Variants in CD81 observed in about 807,000 individuals in gnomAD.
CD81 encodes CD81 antigen.
In CD81, 10 loss-of-function variants were observed where a neutral mutation model predicts 30.1. The observed-to-expected ratio is 0.33, with a 90% confidence interval of 0.21 to 0.56. CD81 has a LOEUF of 0.56. Ranked by LOEUF, CD81 falls within the 20% of genes least tolerant of loss-of-function variation. The pLI, the probability that CD81 is intolerant of heterozygous loss-of-function variation, is 0.89. For missense variants in CD81, 263 were observed against 308.7 expected, an observed-to-expected ratio of 0.85 and a Z score of 1.11; for synonymous variants, 147 against 126.4, an observed-to-expected ratio of 1.16 and a Z score of -1.10.
intron 1 of CD81, chr11:2,386,739 G>C: frequency 1.5e-6 from 1 of 679,604 alleles, no homozygotes; most frequent in Admixed American, 2.0e-5. Flanking sequence ...AGTTGAGGTG[G>C]ACAGGCTGGC....
intron 3 of CD81, among the ~76,000 whole-genome samples, 180 bp downstream of exon 3, chr11:2,394,372 C>G (rs1051207344): frequency 2.6e-5 from 4 of 152,202 alleles, no homozygotes; most frequent in Admixed American, 2.6e-4. Context: ...TGGTCTCCAT[C>G]GTGGCCAGTT....
At position 2,390,536 on chromosome 11, in the gene CD81, C is replaced by T; in HGVS notation, c.181+10C>T. ...AACACCTTCTATGTAGGTGAGTGCACATGTGGCCGCAGACGCATTCAGGGA... is the reference window on the plus strand; with the variant it reads ...AACACCTTCTATGTAGGTGAGTGCATATGTGGCCGCAGACGCATTCAGGGA... On this transcript the variant is annotated intron_variant, in intron 2 of 7. Transcript: ENST00000263645. The T allele has an allele frequency of 6.3e-7, 1 of 1,581,954 alleles. No individual in the cohort carries two copies. Among genetic ancestry groups the T allele is most frequent in the Non-Finnish European group, 8.7e-7 (1 of 1,151,674 alleles).
intron 6 of CD81, 158 bp downstream of exon 6, chr11:2,396,128 G>GC: frequency 6.6e-6 from 3 of 453,846 alleles, no homozygotes; most frequent in Middle Eastern, 6.8e-4. Flanking sequence ...GTTGGGGTGG[G>GC]ACCGCATCTG....
At chr11:2,396,070 G>A (rs1164961638) in intron 6 of CD81, 100 bp downstream of exon 6, 5 of 557,566 alleles carry the variant, frequency 9.0e-6, no homozygotes, top group South Asian at 1.5e-5. Context: ...CACAGGGAGC[G>A]ACCACACTGG....
chr11:2,392,962 A>T (rs1849926789), intron 2 of CD81: 1 of 152,166 alleles, frequency 6.6e-6, no homozygotes, highest in Admixed American at 6.5e-5. Flanking sequence ...GGGGAGGGAG[A>T]CCTGGCTCCT....
At chr11:2,389,968 T>C in intron 1 of CD81, 1 of 330,726 alleles carries the variant, frequency 3.0e-6, no homozygotes, top group Non-Finnish European at 5.9e-6. Context: ...GATGCTCAGG[T>C]CCTGGTATCA....
chr11:2,383,089 C>T (rs79926741), intron 1 of CD81, among the ~76,000 whole-genome samples: 1,940 of 152,280 alleles, frequency 0.013, 40 homozygotes, highest in African/African-American at 0.044. Context: ...CCCCAGCTGG[C>T]GGGGCCAGAG....
rs1849625005 is a variant in CD81, at chr11:2,377,795, G to A, written c.66+180G>A. ...CGGGGCCACCGCGCCCCCCGACATT[G>A]GGGCTGAGGGCTGCGAGCCGAGTTT... On this transcript the variant is annotated intron_variant, in intron 1 of 7. Coordinates refer to ENST00000263645, the MANE Select transcript of CD81 (RefSeq NM_004356.4). The surrounding 1 kb of genome is among the most constrained non-coding windows in gnomAD (Gnocchi z 7.7). 3.4e-6 allele frequency: 1 copy of A among 293,110 alleles called. No individual in the cohort carries two copies. The highest frequency in any genetic ancestry group is 5.6e-5 in the Admixed American group (1 of 17,864). 18.2% of individuals were successfully genotyped at this position (293,110 alleles called of 1,614,324 possible).
intron 1 of CD81, among the ~76,000 whole-genome samples, chr11:2,386,802 G>A (rs1165534448): frequency 6.6e-6 from 1 of 152,176 alleles, no homozygotes; most frequent in Non-Finnish European, 1.5e-5. Context: ...CAGCTGTTCT[G>A]CCCTATTAAA....
chr11:2,388,149 C>T (rs1031316488), intron 1 of CD81, among the ~76,000 whole-genome samples: 15 of 152,206 alleles, frequency 9.9e-5, no homozygotes, highest in Non-Finnish European at 2.1e-4. Flanking sequence ...TGAGCTCAAG[C>T]GATCCTCCTG....
At chr11:2,384,566 CTG>C (rs1002324784) in intron 1 of CD81, 3 of 120,138 alleles carry the variant, frequency 2.5e-5, no homozygotes, top group African/African-American at 9.1e-5. Context: ...TGGGGCATCT[CTG>C]GGGCCCGGCC....
chr11:2,390,527 G>A lies in CD81; in HGVS notation c.181+1G>A. The A allele has an allele frequency of 6.2e-7, 1 of 1,605,194 alleles. No homozygotes were observed. Among genetic ancestry groups the A allele is most frequent in the Non-Finnish European group, 8.5e-7 (1 of 1,172,918 alleles). On this transcript the variant is annotated splice_donor_variant, in intron 2 of 7. Coordinates refer to ENST00000263645, the MANE Select transcript of CD81 (RefSeq NM_004356.4). LOFTEE classifies it high-confidence loss of function. Reference sequence around the variant, plus strand: ...CCCGCGCCCAACACCTTCTATGTAGGTGAGTGCACATGTGGCCGCAGACGC... The same window carrying A: ...CCCGCGCCCAACACCTTCTATGTAGATGAGTGCACATGTGGCCGCAGACGC...
intron 5 of CD81, 161 bp downstream of exon 5, chr11:2,395,681 A>AGTGGGCCAGG (rs1366980116): frequency 1.3e-6 from 1 of 756,018 alleles, no homozygotes; most frequent in Non-Finnish European, 2.3e-6. Flanking sequence ...GTGGGAACCT[A>AGTGGGCCAGG]GTGGGCCAGG....
intron 2 of CD81, 21 bp downstream of exon 2, chr11:2,390,547 A>G (rs1449171470): frequency 6.5e-7 from 1 of 1,544,756 alleles, no homozygotes; most frequent in African/African-American, 1.4e-5. Flanking sequence ...ATGTGGCCGC[A>G]GACGCATTCA....
intron 1 of CD81, 90 bp from the exon 2 acceptor site, chr11:2,390,322 A>T: frequency 1.0e-6 from 1 of 985,562 alleles, no homozygotes; most frequent in Non-Finnish European, 1.6e-6. Flanking sequence ...CCAGCAAGGC[A>T]GGAGGCTGCT....
In CD81 at chr11:2,377,542, G is replaced by T. The variant is rs745367425; in HGVS notation, c.-8G>T. 1 of 1,402,264 alleles carries T rather than the reference G, an allele frequency of 7.1e-7. No individual in the cohort carries two copies. Among genetic ancestry groups the T allele is most frequent in the Non-Finnish European group, 9.4e-7 (1 of 1,059,702 alleles). 86.9% of individuals were successfully genotyped at this position (1,402,264 alleles called of 1,614,324 possible). ...GCGCCCCGCAGGCCGCCCGCCGCCC[G>T]CGCCGCCATGGGAGTGGAGGGCTGC... On this transcript the variant is annotated 5_prime_UTR_variant, in exon 1 of 8. Transcript: ENST00000263645. This position sits in a 1 kb window ranked among gnomAD's most constrained non-coding sequence, Gnocchi z 7.7.
upstream of CD81, chr11:2,376,687 G>A (rs539583226): frequency 2.6e-5 from 4 of 152,380 alleles, no homozygotes; most frequent in Admixed American, 2.6e-4. Context: ...TGCCCTCTCA[G>A]GCCCCAGTGA....
chr11:2,394,085 T>C lies in CD81; in HGVS notation c.182-10T>C. On this transcript the variant is annotated splice_polypyrimidine_tract_variant and intron_variant, in intron 2 of 7. Coordinates refer to ENST00000263645, the MANE Select transcript of CD81 (RefSeq NM_004356.4). ...TGTAGGCACCCACCTGGTGTCTCTCTCCCCGCAAGGCATCTACATCCTCAT... is the reference window on the plus strand; with the variant it reads ...TGTAGGCACCCACCTGGTGTCTCTCCCCCCGCAAGGCATCTACATCCTCAT... 1 of 1,609,012 alleles carries C rather than the reference T, an allele frequency of 6.2e-7. No individual in the cohort carries two copies. Among genetic ancestry groups the C allele is most frequent in the South Asian group, 1.1e-5 (1 of 91,004 alleles).
chr11:2,393,676 G>A, intron 2 of CD81: 1 of 580,908 alleles, frequency 1.7e-6, no homozygotes, highest in Admixed American at 3.1e-5. Flanking sequence ...CCCACCCTGT[G>A]CCTTCTGATG....
Sources: gnomAD v4.1 joint callset for allele counts (sites outside exome capture counted in the v4.1 genomes callset) on GRCh38, gnomAD v4.1.1 for gene constraint, Gnocchi (gnomAD v3.1) non-coding constraint, MANE v1.5 for transcripts, NCBI Gene and HGNC (gene_info 2026-07-23, HGNC 2026-07-21) for gene names.